DPP10: variants seen among roughly 807,000 people sequenced by gnomAD.
DPP10 encodes the protein dipeptidyl peptidase like 10.
A neutral mutation model predicts 120.9 loss-of-function variants in DPP10; 33 were observed. The ratio of observed to expected loss-of-function variants is 0.27; its 90% CI spans 0.21 to 0.37. The LOEUF (loss-of-function observed/expected upper bound fraction) is 0.37. Ranked by LOEUF, DPP10 falls within the 10% of genes least tolerant of loss-of-function variation. The pLI is 1.00. For missense variants in DPP10, 816 were observed against 942.8 expected, an observed-to-expected ratio of 0.87 and a Z score of 1.76; for synonymous variants, 337 against 326.1, an observed-to-expected ratio of 1.03 and a Z score of -0.36.
intron 5 of DPP10, among the ~76,000 whole-genome samples, chr2:115,654,013 G>A (rs1029029688): frequency 4.6e-5 from 7 of 151,686 alleles, no homozygotes; most frequent in African/African-American, 1.7e-4. Context: ...CTTTTATTAA[G>A]AATAAAAATT....
chr2:115,384,716 G>A (rs1238475874), intron 3 of DPP10, among the ~76,000 whole-genome samples: 1 of 151,762 alleles, frequency 6.6e-6, no homozygotes, highest in Non-Finnish European at 1.5e-5. Context: ...GAAAGAAGAA[G>A]AAGAAGAAGA....
chr2:114,655,707 A>G (rs1696917473), intron 1 of DPP10, among the ~76,000 whole-genome samples: 1 of 152,216 alleles, frequency 6.6e-6, no homozygotes, highest in Admixed American at 6.5e-5. Flanking sequence ...CATTCAGCTT[A>G]CATAATTAAA....
At chr2:115,177,661 G>C (rs1178503090) in intron 1 of DPP10, among the ~76,000 whole-genome samples, 1 of 152,178 alleles carries the variant, frequency 6.6e-6, no homozygotes, top group Admixed American at 6.5e-5. Context: ...GTAGTTTCAA[G>C]CTAGTCTAGA....
At chr2:115,823,655 T>C (rs1688029201) in intron 21 of DPP10, among the ~76,000 whole-genome samples, 1 of 152,220 alleles carries the variant, frequency 6.6e-6, no homozygotes, top group South Asian at 2.1e-4. Flanking sequence ...GTTGTGCCTT[T>C]TTCTAAAGCC....
At chr2:115,699,209 G>T (rs57663907) in intron 7 of DPP10, among the ~76,000 whole-genome samples, 2 of 151,928 alleles carry the variant, frequency 1.3e-5, no homozygotes, top group African/African-American at 4.8e-5. Context: ...GCAAAACTTC[G>T]TAGTAGAGTC....
intron 3 of DPP10, among the ~76,000 whole-genome samples, chr2:115,374,323 T>C (rs1455801799): frequency 6.6e-6 from 1 of 152,188 alleles, no homozygotes; most frequent in African/African-American, 2.4e-5. Flanking sequence ...TTTGATTCCA[T>C]GTCTCACATC....
intron 5 of DPP10, among the ~76,000 whole-genome samples, chr2:115,615,580 G>A (rs928673906): frequency 1.3e-5 from 2 of 152,102 alleles, no homozygotes; most frequent in Non-Finnish European, 2.9e-5. Flanking sequence ...AAGAAAAAAA[G>A]CAGAGCAAAG....
intron 1 of DPP10, among the ~76,000 whole-genome samples, chr2:114,537,589 C>A (rs998821359): frequency 1.3e-5 from 2 of 152,050 alleles, no homozygotes; most frequent in African/African-American, 4.8e-5. Flanking sequence ...GCAATAATGA[C>A]AACAATGCAT....
At chr2:114,549,684 A>AG (rs1553460468) in intron 1 of DPP10, among the ~76,000 whole-genome samples, 58 of 69,122 alleles carry the variant, frequency 8.4e-4, no homozygotes, top group Admixed American at 2.7e-3. Flanking sequence ...AAAAAAAAAA[A>AG]AGAGAGAGAG....
intron 1 of DPP10, among the ~76,000 whole-genome samples, chr2:115,205,690 T>C (rs527507053): frequency 1.1e-4 from 16 of 152,232 alleles, no homozygotes; most frequent in African/African-American, 3.6e-4. Context: ...TAGAATATTA[T>C]GCGGCCGTAA....
At chr2:115,356,031 C>T (rs184949329) in intron 3 of DPP10, among the ~76,000 whole-genome samples, 1 of 152,224 alleles carries the variant, frequency 6.6e-6, no homozygotes, top group African/African-American at 2.4e-5. Flanking sequence ...ATTGTCTTGG[C>T]TATACAGGGT....
chr2:114,758,334 T>A (rs1049501908), intron 1 of DPP10, among the ~76,000 whole-genome samples: 5 of 152,220 alleles, frequency 3.3e-5, no homozygotes, highest in African/African-American at 9.6e-5. Context: ...ACATAGCATA[T>A]GCTGAGCAGA....
At chr2:114,983,449 A>G (rs1029492359) in intron 1 of DPP10, among the ~76,000 whole-genome samples, 2 of 152,222 alleles carry the variant, frequency 1.3e-5, no homozygotes, top group South Asian at 4.1e-4. Context: ...TGGCATATGG[A>G]CATTCTTATT....
At chr2:114,842,218 C>T (rs1352560157) in intron 1 of DPP10, among the ~76,000 whole-genome samples, 1 of 152,002 alleles carries the variant, frequency 6.6e-6, no homozygotes, top group Non-Finnish European at 1.5e-5. Flanking sequence ...TTAGTTTTGA[C>T]AACAATTATG....
At chr2:115,482,229 TA>T (rs1470971414) in intron 3 of DPP10, among the ~76,000 whole-genome samples, 2 of 151,896 alleles carry the variant, frequency 1.3e-5, no homozygotes, top group Non-Finnish European at 2.9e-5. Flanking sequence ...TTTTATTTTT[TA>T]AAAATAATTT....
At chr2:115,532,219 A>T (rs756404163) in intron 5 of DPP10, among the ~76,000 whole-genome samples, 1 of 152,072 alleles carries the variant, frequency 6.6e-6, no homozygotes, top group African/African-American at 2.4e-5. Context: ...GTGTTTATCA[A>T]TGTAAACCTC....
At chr2:115,257,357 A>C (rs1033676691) in intron 1 of DPP10, among the ~76,000 whole-genome samples, 5 of 152,178 alleles carry the variant, frequency 3.3e-5, no homozygotes, top group African/African-American at 4.8e-5. Flanking sequence ...TAATTGACTC[A>C]CAGTTCTGCA....
At chr2:115,048,658 TTA>T (rs1705243670) in intron 1 of DPP10, among the ~76,000 whole-genome samples, 1 of 151,940 alleles carries the variant, frequency 6.6e-6, no homozygotes, top group Admixed American at 6.6e-5. Flanking sequence ...CAATGTCTTG[TTA>T]TACCAAATTA....
At chr2:115,534,595 G>A (rs981568256) in intron 5 of DPP10, among the ~76,000 whole-genome samples, 4 of 152,182 alleles carry the variant, frequency 2.6e-5, no homozygotes, top group Non-Finnish European at 2.9e-5. Context: ...CTTTATAGCA[G>A]CATGATTCAT....
Sources: allele counts gnomAD v4.1 joint callset (sites outside exome capture counted in the v4.1 genomes callset), GRCh38; gene constraint gnomAD v4.1.1; transcripts MANE v1.5; gene names NCBI Gene and HGNC (gene_info 2026-07-23, HGNC 2026-07-21).